The following SNX6 variants were observed in gnomAD, a reference collection of about 807,000 sequenced individuals.
The protein encoded by SNX6 is sorting nexin-6.
A neutral mutation model predicts 63.0 loss-of-function variants in SNX6; 34 were observed. The observed-to-expected ratio is 0.54, with a 90% CI of 0.41 to 0.72. The LOEUF is 0.72. Ranked by LOEUF, SNX6 falls within the 30% of genes least tolerant of loss-of-function variation. The probability of loss-of-function intolerance (pLI) is 0.00; values close to 1 mark genes in which losing one functional copy is unlikely to be tolerated. For missense variants in SNX6, 398 were observed against 471.4 expected (o/e 0.84, Z 1.44); for synonymous variants, 170 against 164.2 (o/e 1.04, Z -0.27).
chr14:34,577,015 A>G (rs1881738059), intron 10 of SNX6, among the ~76,000 whole-genome samples: 1 of 151,962 alleles, frequency 6.6e-6, no homozygotes, highest in African/African-American at 2.4e-5. Context: ...GAGCCACTAC[A>G]TTCCAGCCTG....
intron 2 of SNX6, among the ~76,000 whole-genome samples, chr14:34,627,279 T>C: frequency 6.6e-6 from 1 of 152,102 alleles, no homozygotes; most frequent in East Asian, 1.9e-4. Flanking sequence ...ACCCCGTCTC[T>C]ACTAAAAATA....
chr14:34,612,002 A>G (rs1883249894), intron 2 of SNX6, among the ~76,000 whole-genome samples: 1 of 152,068 alleles, frequency 6.6e-6, no homozygotes, highest in Non-Finnish European at 1.5e-5. Flanking sequence ...GATGGTCTCG[A>G]TCTCCTGACC....
chr14:34,574,283 C>T (rs1165757616), intron 11 of SNX6, among the ~76,000 whole-genome samples: 4 of 149,438 alleles, frequency 2.7e-5, no homozygotes. Flanking sequence ...TTGCAGTGAG[C>T]TGCAATCATG....
intron 2 of SNX6, among the ~76,000 whole-genome samples, chr14:34,624,855 T>G (rs1274079100): frequency 6.6e-6 from 1 of 152,170 alleles, no homozygotes; most frequent in Non-Finnish European, 1.5e-5. Flanking sequence ...TAGTTATTAT[T>G]TTTGAATGTG....
At chr14:34,623,550 G>A (rs2138388894) in intron 2 of SNX6, among the ~76,000 whole-genome samples, 1 of 152,240 alleles carries the variant, frequency 6.6e-6, no homozygotes, top group Admixed American at 6.5e-5. Context: ...AAAGACTAAA[G>A]ACAGAGACTA....
rs1391400294 is a variant in SNX6, at chr14:34,586,305, C to T, written c.719G>A (p.Ser240Asn). ...AATTCTATTGTAATCATCTGCAGCACCTATGGAGAAAGTTTTAAGAATTTA... is the reference window on the plus strand; with the variant it reads ...AATTCTATTGTAATCATCTGCAGCATCTATGGAGAAAGTTTTAAGAATTTA... ...KSDRMTRSHKSAADDYNRIGS... is the reference protein window; with the variant it reads ...KSDRMTRSHKNAADDYNRIGS... The change falls in exon 9 of 14, where the codon AGT (serine) becomes AAT (asparagine). Residue 240 changes from serine (S) to asparagine (N), a missense_variant and splice_region_variant. Physicochemically the swap from Ser to Asn is conservative, Grantham distance 46. Transcript: ENST00000362031. 1 of 1,601,506 alleles carries T rather than the reference C, an allele frequency of 6.2e-7. No individual in the cohort carries two copies. The highest frequency in any genetic ancestry group is 1.7e-5 in the Admixed American group (1 of 59,436).
intron 10 of SNX6, among the ~76,000 whole-genome samples, chr14:34,576,403 C>CAGATT (rs1210021021): frequency 6.7e-6 from 1 of 149,124 alleles, no homozygotes; most frequent in Non-Finnish European, 1.5e-5. Flanking sequence ...GAAAAAAGAT[C>CAGATT]AAATGAGACT....
intron 10 of SNX6, among the ~76,000 whole-genome samples, chr14:34,577,078 C>A (rs562654123): frequency 4.0e-5 from 6 of 151,800 alleles, no homozygotes; most frequent in Admixed American, 3.3e-4. Context: ...CAAAAAAAAA[C>A]TTTCTAGGTA....
intron 9 of SNX6, among the ~76,000 whole-genome samples, chr14:34,584,808 T>A (rs555348756): frequency 6.6e-6 from 1 of 151,856 alleles, no homozygotes; most frequent in African/African-American, 2.4e-5. Context: ...ATTTAAAAAA[T>A]AGGACAGAAA....
intron 5 of SNX6, among the ~76,000 whole-genome samples, chr14:34,603,758 G>A (rs1007524280): frequency 6.6e-6 from 1 of 151,884 alleles, no homozygotes; most frequent in East Asian, 1.9e-4. Context: ...GTTAACTATA[G>A]GGCTGCTTGT....
At chr14:34,582,275 G>T (rs902315056) in intron 9 of SNX6, among the ~76,000 whole-genome samples, 2 of 151,968 alleles carry the variant, frequency 1.3e-5, no homozygotes, top group Non-Finnish European at 1.5e-5. Context: ...GGGATTACAG[G>T]CAGCTGCCCC....
At position 34,575,862 on chromosome 14, in the gene SNX6, T is replaced by G. The variant is rs879160909; in HGVS notation, c.835-20A>C. 10 of 1,439,688 alleles carry G rather than the reference T, an allele frequency of 6.9e-6. No individual in the cohort carries two copies. The highest frequency in any genetic ancestry group is 9.6e-6 in the Non-Finnish European group (10 of 1,043,004). The allele number at this position is 1,439,688 out of a possible 1,614,324, so 89.2% of individuals were successfully genotyped here. A position where few individuals can be genotyped will look rare whatever the true frequency, so the allele number is the denominator to read the frequency against. On this transcript the variant is annotated intron_variant, in intron 10 of 13. Transcript: ENST00000362031. ...TATTTTCTGAAAAGAAGGAAAAAAT[T>G]GAATATTTAATCAACAACTACATTC... is the stretch of plus-strand genomic sequence containing the variant.
chr14:34,584,701 C>T (rs1484395407), intron 9 of SNX6, among the ~76,000 whole-genome samples: 3 of 151,696 alleles, frequency 2.0e-5, no homozygotes, highest in East Asian at 1.9e-4. Flanking sequence ...CTCTCTTACA[C>T]ACAAATCAGC....
At chr14:34,624,227 A>C (rs1883737595) in intron 2 of SNX6, among the ~76,000 whole-genome samples, 1 of 152,178 alleles carries the variant, frequency 6.6e-6, no homozygotes, top group Non-Finnish European at 1.5e-5. Flanking sequence ...CAGCCTCCCA[A>C]GTAGCTGGGA....
At chr14:34,629,064 G>A (rs1883935811) in intron 2 of SNX6, among the ~76,000 whole-genome samples, 1 of 151,880 alleles carries the variant, frequency 6.6e-6, no homozygotes, top group Admixed American at 6.6e-5. Context: ...TGTATGTGGG[G>A]GGTGAGTGGG....
At chr14:34,612,422 C>A (rs550339464) in intron 2 of SNX6, among the ~76,000 whole-genome samples, 51 of 152,084 alleles carry the variant, frequency 3.4e-4, no homozygotes, top group African/African-American at 1.1e-3. Context: ...TCCAGGTGGG[C>A]CTTAAAGGCA....
chr14:34,601,025 A>G (rs1882790933), intron 6 of SNX6, among the ~76,000 whole-genome samples: 1 of 152,076 alleles, frequency 6.6e-6, no homozygotes, highest in Non-Finnish European at 1.5e-5. Flanking sequence ...AAAAAAAAAA[A>G]AGAGAGTTTT....
intron 9 of SNX6, among the ~76,000 whole-genome samples, chr14:34,583,962 C>T (rs1311662724): frequency 6.6e-6 from 1 of 151,886 alleles, no homozygotes; most frequent in African/African-American, 2.4e-5. Context: ...ATTCTCCTGC[C>T]TCAGCCTCCT....
chr14:34,569,974 C>A (rs141755093), intron 11 of SNX6, among the ~76,000 whole-genome samples: 260 of 152,228 alleles, frequency 1.7e-3, no homozygotes, highest in Non-Finnish European at 3.0e-3. Context: ...TCCATAGTGG[C>A]TGAACATTTT....
Sources: gnomAD v4.1 joint callset for allele counts (sites outside exome capture counted in the v4.1 genomes callset) on GRCh38, gnomAD v4.1.1 for gene constraint, MANE v1.5 for transcripts, NCBI Gene and HGNC (gene_info 2026-07-23, HGNC 2026-07-21) for gene names.